The following RBBP6 variants were observed in gnomAD, a reference collection of about 807,000 sequenced individuals.
RBBP6 encodes the protein E3 ubiquitin-protein ligase RBBP6.
A neutral mutation model predicts 167.7 loss-of-function variants in RBBP6; 25 were observed. The ratio of observed to expected loss-of-function variants is 0.15; its 90% CI spans 0.11 to 0.21. The LOEUF (loss-of-function observed/expected upper bound fraction) is 0.21. Ranked by LOEUF, RBBP6 falls within the 10% of genes least tolerant of loss-of-function variation. The probability of loss-of-function intolerance (pLI) is 1.00; values close to 1 mark genes in which losing one functional copy is unlikely to be tolerated. For synonymous variants in RBBP6, 789 were observed against 735.8 expected (o/e 1.07, Z -1.17); for missense variants, 1,868 against 2,134.2 (o/e 0.88, Z 2.46).
Position 24,567,183 on chromosome 16 carries a change from A to G in RBBP6, c.1630A>G (p.Arg544Gly). 1 of 1,613,908 alleles carries G rather than the reference A, an allele frequency of 6.2e-7. No individual in the cohort carries two copies. Among genetic ancestry groups the G allele is most frequent in the Non-Finnish European group, 8.5e-7 (1 of 1,179,764 alleles). ...GCGACACCACAGCGAAAGATCACAG[A>G]GGACTCAAGGCCCGTCACTACCAGC... is the stretch of plus-strand genomic sequence containing the variant. Reference protein sequence around the residue: ...RGRHHSERSQRTQGPSLPATP... With the variant: ...RGRHHSERSQGTQGPSLPATP... The change falls in exon 15 of 18, where the codon AGG (arginine) becomes GGG (glycine). Residue 544 changes from arginine (R) to glycine (G), a missense_variant. Physicochemically the swap from Arg to Gly is moderately radical, Grantham distance 125. Around this residue, in one of 7 missense-constraint regions of RBBP6, gnomAD observed 145 missense variants for 224.3 expected, o/e 0.65. Coordinates refer to ENST00000319715, the MANE Select transcript of RBBP6 (RefSeq NM_006910.5).
Position 24,540,514 on chromosome 16 carries a change from T to C in RBBP6, c.-113T>C. Reference sequence around the variant, plus strand: ...TATTTAATCTGAGGCCTTAGGGTCCTTCGGTGTCTTTGAGTGTTTTGTGTG... The same window carrying C: ...TATTTAATCTGAGGCCTTAGGGTCCCTCGGTGTCTTTGAGTGTTTTGTGTG... On this transcript the variant is annotated 5_prime_UTR_variant, in exon 1 of 18. Coordinates refer to ENST00000319715, the MANE Select transcript of RBBP6 (RefSeq NM_006910.5). The C allele has an allele frequency of 9.0e-7, 1 of 1,114,156 alleles. No homozygotes were observed. The highest frequency in any genetic ancestry group is 1.3e-6 in the Non-Finnish European group (1 of 787,270). The allele number at this position is 1,114,156 out of a possible 1,614,324, so 69.0% of individuals were successfully genotyped here.
chr16:24,555,576 G>A (rs1898893861), intron 4 of RBBP6, 39 bp from the exon 5 acceptor site: 3 of 1,497,782 alleles, frequency 2.0e-6, no homozygotes, highest in South Asian at 1.2e-5. Flanking sequence ...TCTTAAATGT[G>A]TTTCTAATGT....
chr16:24,571,339 C>T lies in RBBP6; in HGVS notation c.4273C>T (p.Pro1425Ser). The change falls in exon 18 of 18, where the codon CCA (proline) becomes TCA (serine). Residue 1425 changes from proline to serine, a missense_variant. Pro to Ser is a moderately conservative substitution (Grantham distance 74, BLOSUM62 -1). Around this residue, in one of 7 missense-constraint regions of RBBP6, gnomAD observed 591 missense variants for 540.5 expected, o/e 1.09. Coordinates refer to ENST00000319715, the MANE Select transcript of RBBP6 (RefSeq NM_006910.5). ...NPEKRKNSTQ[P>S]EKESNLDRLN... is the part of the protein sequence containing the mutation. ...TGAAAAGAGGAAGAACAGCACTCAG[C>T]CAGAGAAAGAGAGTAATTTGGACCG... 1 of 1,614,038 alleles carries T rather than the reference C, an allele frequency of 6.2e-7. No individual in the cohort carries two copies. Among genetic ancestry groups the T allele is most frequent in the East Asian group, 2.2e-5 (1 of 44,866 alleles).
intron 7 of RBBP6, among the ~76,000 whole-genome samples, chr16:24,556,960 C>T (rs553305510): frequency 6.0e-5 from 9 of 148,866 alleles, no homozygotes; most frequent in Non-Finnish European, 1.0e-4. Flanking sequence ...ACCACTAGTT[C>T]AGATCAACTA....
intron 1 of RBBP6, among the ~76,000 whole-genome samples, chr16:24,542,800 T>G (rs1024042619): frequency 6.6e-6 from 1 of 152,188 alleles, no homozygotes; most frequent in Non-Finnish European, 1.5e-5. Context: ...GTCCGGAAAT[T>G]TAAGAGTTTT....
chr16:24,545,151 C>G (rs138522705), intron 1 of RBBP6, among the ~76,000 whole-genome samples: 2,239 of 152,206 alleles, frequency 0.015, 62 homozygotes, highest in African/African-American at 0.052. Flanking sequence ...GATCTCGGCT[C>G]ACTGCAGCCT....
Position 24,571,445 on chromosome 16 carries a change from G to A in RBBP6, c.4379G>A (p.Arg1460His), listed in dbSNP as rs143040546. The A allele has an allele frequency of 3.8e-5, 61 of 1,612,794 alleles. No homozygotes were observed. Among genetic ancestry groups the A allele is most frequent in the Middle Eastern group, 3.3e-4 (2 of 6,074 alleles). ...ARTSDKHDST[R>H]ASSNKDFTPN... Reference sequence around the variant, plus strand: ...ACGTCAGATAAACATGATTCCACTCGTGCTTCCTCAAATAAAGACTTCACT... The same window carrying A: ...ACGTCAGATAAACATGATTCCACTCATGCTTCCTCAAATAAAGACTTCACT... The change falls in exon 18 of 18, where the codon CGT (arginine) becomes CAT (histidine). Residue 1460 changes from arginine (R) to histidine (H), a missense_variant. Physicochemically the swap from Arg to His is conservative, Grantham distance 29. Transcript: ENST00000319715.
In RBBP6 at chr16:24,571,382, AT is replaced by A; in HGVS notation, c.4320del (p.Phe1440LeufsTer55). The part of the protein sequence containing the change: ...SNLDRLNEQG[N>X]FKSLSQSSKE... ...TTGGACCGTCTGAATGAACAAGGAA[AT>A]TTTAAAAGTCTGTCTCAATCTTCCA... is the stretch of plus-strand genomic sequence containing the variant. On this transcript the variant is annotated frameshift_variant, in exon 18 of 18. Coordinates refer to ENST00000319715, the MANE Select transcript of RBBP6 (RefSeq NM_006910.5). LOFTEE classifies it high-confidence loss of function. The A allele has an allele frequency of 6.2e-7, 1 of 1,614,034 alleles. No homozygotes were observed. Among genetic ancestry groups the A allele is most frequent in the Non-Finnish European group, 8.5e-7 (1 of 1,180,010 alleles).
At chr16:24,558,498 T>A in intron 7 of RBBP6, 1 of 985,298 alleles carries the variant, frequency 1.0e-6, no homozygotes, top group Non-Finnish European at 1.2e-6. Flanking sequence ...CGTGGTGATG[T>A]CTATGGAGCA....
intron 11 of RBBP6, 44 bp downstream of exon 11, chr16:24,563,339 G>C (rs756416688): frequency 6.4e-7 from 1 of 1,569,036 alleles, no homozygotes; most frequent in Non-Finnish European, 8.7e-7. Context: ...TTTTACAGCA[G>C]GGTTTTGTTT....
intron 10 of RBBP6, 48 bp from the exon 11 acceptor site, chr16:24,563,151 G>A (rs909503855): frequency 8.2e-6 from 12 of 1,462,816 alleles, no homozygotes; most frequent in Middle Eastern, 2.1e-4. Context: ...ACTCTTAATT[G>A]TCCATTTCTG....
chr16:24,556,291 C>T lies in RBBP6; in HGVS notation c.535-17C>T, dbSNP rs1400739356. 1.3e-6 allele frequency: 2 copies of T among 1,539,750 alleles called. No homozygotes were observed. Among genetic ancestry groups the T allele is most frequent in the South Asian group, 1.1e-5 (1 of 88,500 alleles). On this transcript the variant is annotated splice_polypyrimidine_tract_variant and intron_variant, in intron 6 of 17. Transcript: ENST00000319715. ...GCTTTTTCTCTTCCTCCTCCTCTTC[C>T]TTTTTCCTCTGAATAGGATAAAAAC...
Position 24,567,359 on chromosome 16 carries a change from A to C in RBBP6, c.1806A>C (p.Pro602=). 1 of 1,614,042 alleles carries C rather than the reference A, an allele frequency of 6.2e-7. No homozygotes were observed. The highest frequency in any genetic ancestry group is 8.5e-7 in the Non-Finnish European group (1 of 1,179,984). The change falls in exon 15 of 18, where the codon CCA becomes CCC. Residue 602 remains proline, a synonymous_variant. Transcript: ENST00000319715. The part of the protein sequence containing the change: ...PPPAGYSVPP[P]GFPPAPANLS... ...CCGCTGGGTATAGTGTCCCTCCTCC[A>C]GGGTTTCCTCCAGCTCCTGCCAATT...
chr16:24,565,063 TTTTTAAGACA>T (rs1899159985), intron 14 of RBBP6, among the ~76,000 whole-genome samples, 198 bp downstream of exon 14: 1 of 152,024 alleles, frequency 6.6e-6, no homozygotes, highest in Non-Finnish European at 1.5e-5. Context: ...TAAATGATGG[TTTTTAAGACA>T]TTTTTAATAT....
chr16:24,540,952 G>GC (rs1203635978), intron 1 of RBBP6, among the ~76,000 whole-genome samples, 160 bp downstream of exon 1: 1 of 152,082 alleles, frequency 6.6e-6, no homozygotes, highest in Admixed American at 6.5e-5. Context: ...GCAGCAGTTG[G>GC]CCTTGGAGTT....
Position 24,571,135 on chromosome 16 carries a change from T to C in RBBP6, c.4069T>C (p.Ser1357Pro). The C allele has an allele frequency of 3.7e-6, 6 of 1,613,568 alleles. No homozygotes were observed. The highest frequency in any genetic ancestry group is 1.1e-5 in the South Asian group (1 of 91,038). ...TATAAAAAATGTTAGTACAAAGCCA[T>C]CAAATATAGTCAAGTATCCTGAGAA... ...SVIKNVSTKP[S>P]NIVKYPEKES... The change falls in exon 18 of 18, where the codon TCA (serine) becomes CCA (proline). Residue 1357 changes from serine to proline, a missense_variant. This residue lies in a region of RBBP6 where 591 missense variants were observed against 540.5 expected (regional missense o/e 1.09). Coordinates refer to ENST00000319715, the MANE Select transcript of RBBP6 (RefSeq NM_006910.5).
chr16:24,569,619 C>T lies in RBBP6; in HGVS notation c.2929C>T (p.Leu977Phe), dbSNP rs752499124. The T allele has an allele frequency of 6.2e-7, 1 of 1,611,698 alleles. No homozygotes were observed. Among genetic ancestry groups the T allele is most frequent in the Non-Finnish European group, 8.5e-7 (1 of 1,179,428 alleles). The stretch of plus-strand genomic sequence containing the variant: ...AAATAAAACAGACTCATTGTTTGTT[C>T]TCCCAAGTAGAGATGATGCCACACC... ...EENKTDSLFVLPSRDDATPVR... is the reference protein window; with the variant it reads ...EENKTDSLFVFPSRDDATPVR... The change falls in exon 17 of 18, where the codon CTC becomes TTC. Residue 977 changes from leucine (L) to phenylalanine (F), a missense_variant. Transcript: ENST00000319715.
At chr16:24,570,588 A>G in intron 17 of RBBP6, 89 bp downstream of exon 17, 2 of 1,178,848 alleles carry the variant, frequency 1.7e-6, no homozygotes, top group African/African-American at 1.5e-5. Context: ...TATATTAATT[A>G]TGAATGCTGA....
Position 24,571,641 on chromosome 16 carries a change from A to G in RBBP6, c.4575A>G (p.Gly1525=), listed in dbSNP as rs1161415939. Residue 1525 remains glycine, a synonymous_variant, in exon 18 of 18, where the codon GGA becomes GGG. Coordinates refer to ENST00000319715, the MANE Select transcript of RBBP6 (RefSeq NM_006910.5). ...AAGAGAGAGATTTGCCTAAAAAAGGAACAGGAGATTCCAAAAAAAGTAATT... is the reference window on the plus strand; with the variant it reads ...AAGAGAGAGATTTGCCTAAAAAAGGGACAGGAGATTCCAAAAAAAGTAATT... ...PREERDLPKK[G]TGDSKKSNSS... 1.2e-6 allele frequency: 2 copies of G among 1,613,310 alleles called. No homozygotes were observed.
Sources: allele counts gnomAD v4.1 joint callset (sites outside exome capture counted in the v4.1 genomes callset), GRCh38; gene constraint gnomAD v4.1.1; regional missense constraint gnomAD v4.1.1; transcripts MANE v1.5; gene names NCBI Gene and HGNC (gene_info 2026-07-23, HGNC 2026-07-21).